The following CACNB2 variants were observed in gnomAD, a reference collection of about 807,000 sequenced individuals.
CACNB2 encodes calcium voltage-gated channel auxiliary subunit beta 2.
In CACNB2, 42 loss-of-function variants were observed where a neutral mutation model predicts 73.3. That is an observed-to-expected ratio of 0.57 (90% CI 0.45 to 0.74). The LOEUF (loss-of-function observed/expected upper bound fraction) is 0.74, where lower values mean the gene tolerates loss of function less well. CACNB2 is among the 30% of genes least tolerant of loss of function. The pLI, the probability that CACNB2 is intolerant of heterozygous loss-of-function variation, is 0.00. For synonymous variants in CACNB2, 348 were observed against 310.3 expected (o/e 1.12, Z -1.28); for missense variants, 940 against 853.0 (o/e 1.10, Z -1.27).
intron 2 of CACNB2, among the ~76,000 whole-genome samples, chr10:18,271,937 T>C (rs2038071287): frequency 6.6e-6 from 1 of 152,238 alleles, no homozygotes; most frequent in Non-Finnish European, 1.5e-5. Flanking sequence ...TAACCTACCC[T>C]GATTTCCAAA....
chr10:18,147,979 A>G (rs2031157597), intron 1 of CACNB2, among the ~76,000 whole-genome samples: 1 of 152,168 alleles, frequency 6.6e-6, no homozygotes, highest in Non-Finnish European at 1.5e-5. Flanking sequence ...TTAAAGGTAT[A>G]TGAAAATGGA....
At chr10:18,235,302 A>G (rs1202722615) in intron 2 of CACNB2, among the ~76,000 whole-genome samples, 1 of 150,764 alleles carries the variant, frequency 6.6e-6, no homozygotes, top group African/African-American at 2.4e-5. Flanking sequence ...AAAATAATCT[A>G]AAAAAATTAG....
At chr10:18,203,584 A>G (rs1292303167) in intron 2 of CACNB2, among the ~76,000 whole-genome samples, 5 of 152,194 alleles carry the variant, frequency 3.3e-5, no homozygotes, top group Non-Finnish European at 7.3e-5. Context: ...ATAAATAAAC[A>G]CCCACACGTA....
intron 2 of CACNB2, among the ~76,000 whole-genome samples, chr10:18,203,222 G>A (rs1205109359): frequency 6.6e-6 from 1 of 152,176 alleles, no homozygotes; most frequent in African/African-American, 2.4e-5. Context: ...CAGATGCTTG[G>A]AGAGTCGAAA....
rs552571060 is a variant in CACNB2 at position 18,451,755 on chromosome 10, G to A, written c.334-46600G>A. 7.2e-5 allele frequency among the ~76,000 whole-genome samples: 11 copies of A among 152,230 alleles called. No homozygotes were observed. In the East Asian group the frequency reaches 1.5e-3, roughly 21 times the overall value. On this transcript the variant is annotated intron_variant, in intron 3 of 13. Transcript: ENST00000324631. ...CTTATGCTCACCCATCACGTAGTTC[G>A]TTATCACCACTACAGATATTGACAA...
rs1015447604 is a variant in CACNB2 at position 18,244,068 on chromosome 10, A to G, written c.213+93093A>G. Among the ~76,000 whole-genome samples the G allele has an allele frequency of 2.0e-5, 3 of 152,206 alleles. No individual in the cohort carries two copies. The East Asian group carries it at 5.8e-4, about 29-fold the overall frequency. ...GGGAGAACTAATAATGCAATGTGGC[A>G]AGGAAGATGTTGCTGGCTTTTATTT... On this transcript the variant is annotated intron_variant, in intron 2 of 13. Coordinates refer to ENST00000324631, the MANE Select transcript of CACNB2 (RefSeq NM_201596.3).
chr10:18,525,399 A>C (rs1213256393), intron 9 of CACNB2, among the ~76,000 whole-genome samples: 1 of 152,136 alleles, frequency 6.6e-6, no homozygotes, highest in Non-Finnish European at 1.5e-5. Context: ...TTTAATTGCT[A>C]GTTTAAATGC....
intron 2 of CACNB2, among the ~76,000 whole-genome samples, chr10:18,175,059 T>C (rs893434121): frequency 1.3e-5 from 2 of 152,166 alleles, no homozygotes; most frequent in Non-Finnish European, 2.9e-5. Flanking sequence ...AACAAGACTA[T>C]TTCATGTGGC....
At chr10:18,283,755 A>T (rs1398778599) in intron 2 of CACNB2, among the ~76,000 whole-genome samples, 1 of 152,128 alleles carries the variant, frequency 6.6e-6, no homozygotes, top group Non-Finnish European at 1.5e-5. Flanking sequence ...CCAACATGGC[A>T]TATGTATACA....
chr10:18,454,233 A>G (rs115156545), intron 3 of CACNB2, among the ~76,000 whole-genome samples: 3,474 of 152,340 alleles, frequency 0.023, 147 homozygotes, highest in African/African-American at 0.079. Flanking sequence ...AATTAGAGAA[A>G]GGGTCCAACA....
chr10:18,399,136 G>C (rs183214672), intron 2 of CACNB2, among the ~76,000 whole-genome samples: 118 of 152,196 alleles, frequency 7.8e-4, no homozygotes, highest in African/African-American at 2.6e-3. Flanking sequence ...AACCTGTAGC[G>C]GGGTGATTGG....
At chr10:18,239,225 G>A (rs182256796) in intron 2 of CACNB2, among the ~76,000 whole-genome samples, 302 of 152,222 alleles carry the variant, frequency 2.0e-3, no homozygotes, top group Non-Finnish European at 3.6e-3. Flanking sequence ...GATATATTGT[G>A]TAGTGGGCAA....
chr10:18,470,765 TG>T (rs2048146191), intron 3 of CACNB2, among the ~76,000 whole-genome samples: 1 of 152,156 alleles, frequency 6.6e-6, no homozygotes, highest in African/African-American at 2.4e-5. Flanking sequence ...TTGAGATGTT[TG>T]TTGCAATCTT....
chr10:18,401,234 A>T, intron 2 of CACNB2: 1 of 1,072,270 alleles, frequency 9.3e-7, no homozygotes, highest in African/African-American at 1.6e-5. Flanking sequence ...GAAGCTAGGG[A>T]GATTCCTCTC....
intron 10 of CACNB2, among the ~76,000 whole-genome samples, chr10:18,527,990 G>A (rs1230067899): frequency 6.6e-6 from 1 of 152,152 alleles, no homozygotes; most frequent in East Asian, 1.9e-4. Context: ...CTTTGCATCA[G>A]TGTTACCATG....
rs968708380 is a variant in CACNB2 at position 18,448,353 on chromosome 10, T to C, written c.333+46310T>C. The stretch of plus-strand genomic sequence containing the variant: ...GGCATGATGGTGGGTGCCTATAATA[T>C]TATCCAGCTACTCAGGAGCTCTGAG... On this transcript the variant is annotated intron_variant, in intron 3 of 13. Transcript: ENST00000324631. Among the ~76,000 whole-genome samples the C allele has an allele frequency of 1.4e-4, 21 of 151,860 alleles. No individual in the cohort carries two copies. In the East Asian group the frequency reaches 3.9e-3, roughly 28 times the overall value.
rs538996596 is a variant in CACNB2 at position 18,292,429 on chromosome 10, G to A, written c.214-109495G>A. Among the ~76,000 whole-genome samples, 396 of 152,276 alleles carry A rather than the reference G, an allele frequency of 2.6e-3. 3 individuals are homozygous for A. The highest frequency in any genetic ancestry group is 4.8e-3 in the Admixed American group (74 of 15,294). ...TCCCAGTACTTTAGGAGGCCGAGGC[G>A]GGCAGATCACGAGGTCAAGAGTTCG... is the stretch of plus-strand genomic sequence containing the variant. On this transcript the variant is annotated intron_variant, in intron 2 of 13. Coordinates refer to ENST00000324631, the MANE Select transcript of CACNB2 (RefSeq NM_201596.3).
chr10:18,230,019 T>C lies in CACNB2; in HGVS notation c.213+79044T>C, dbSNP rs145622292. On this transcript the variant is annotated intron_variant, in intron 2 of 13. Coordinates refer to ENST00000324631, the MANE Select transcript of CACNB2 (RefSeq NM_201596.3). Reference sequence around the variant, plus strand: ...GCCTCATGAATCCTGGTGACAGCAATTATTTTGATCTGAATCACTCAGTGA... The same window carrying C: ...GCCTCATGAATCCTGGTGACAGCAACTATTTTGATCTGAATCACTCAGTGA... Among the ~76,000 whole-genome samples the C allele has an allele frequency of 5.1e-3, 777 of 152,332 alleles. 8 individuals are homozygous for C. Among genetic ancestry groups the C allele is most frequent in the Non-Finnish European group, 8.9e-3 (607 of 68,026 alleles).
chr10:18,164,473 G>T (rs1024252453), intron 2 of CACNB2, among the ~76,000 whole-genome samples: 1 of 152,086 alleles, frequency 6.6e-6, no homozygotes, highest in Non-Finnish European at 1.5e-5. Flanking sequence ...AGAAGAATTG[G>T]TTAGTGTGTG....
Sources: gnomAD v4.1 joint callset for allele counts (sites outside exome capture counted in the v4.1 genomes callset) on GRCh38, gnomAD v4.1.1 for gene constraint, MANE v1.5 for transcripts, NCBI Gene and HGNC (gene_info 2026-07-23, HGNC 2026-07-21) for gene names.